TMEM74: variants seen among roughly 807,000 people sequenced by gnomAD.
The protein encoded by TMEM74 is transmembrane protein 74.
TMEM74 carries 13 observed loss-of-function variants against 18.1 expected under a neutral mutation model. That is an observed-to-expected ratio of 0.72 (90% CI 0.47 to 1.14). TMEM74 has a LOEUF of 1.14. TMEM74 is among the 50% of genes most tolerant of loss of function. The pLI is 0.00. For synonymous variants in TMEM74, 159 were observed against 146.6 expected (o/e 1.08, Z -0.61); for missense variants, 372 against 375.9 (o/e 0.99, Z 0.09).
intron 1 of TMEM74, among the ~76,000 whole-genome samples, chr8:108,680,875 G>C (rs563706573): frequency 6.6e-6 from 1 of 152,090 alleles, no homozygotes; most frequent in African/African-American, 2.4e-5. Flanking sequence ...ACCAATAACA[G>C]ACAAACAGAG....
intron 1 of TMEM74, among the ~76,000 whole-genome samples, chr8:108,772,562 A>G (rs1396930908): frequency 1.3e-5 from 2 of 152,200 alleles, no homozygotes; most frequent in African/African-American, 2.4e-5. Flanking sequence ...AGCCATTTAA[A>G]GAAGGGAGAG....
intron 1 of TMEM74, among the ~76,000 whole-genome samples, chr8:108,760,083 G>GCTACTTC (rs1158679039): frequency 2.6e-5 from 4 of 151,784 alleles, no homozygotes; most frequent in Admixed American, 2.0e-4. Flanking sequence ...TTAGGTAAGA[G>GCTACTTC]AATCGCTTGA....
chr8:108,642,167 C>G (rs370565127), intron 2 of TMEM74, among the ~76,000 whole-genome samples: 5 of 151,870 alleles, frequency 3.3e-5, no homozygotes, highest in African/African-American at 1.2e-4. Context: ...GGGAGGCTGA[C>G]GCGGGTGGAT....
chr8:108,619,416 G>A (rs1216069215), intron 2 of TMEM74, among the ~76,000 whole-genome samples: 2 of 152,168 alleles, frequency 1.3e-5, no homozygotes, highest in Non-Finnish European at 2.9e-5. Context: ...TCGGTTGTGT[G>A]ACTCTGTGAG....
intron 1 of TMEM74, among the ~76,000 whole-genome samples, chr8:108,748,300 T>C (rs1813871401): frequency 6.6e-6 from 1 of 152,224 alleles, no homozygotes; most frequent in African/African-American, 2.4e-5. Flanking sequence ...TTGATTGGCA[T>C]TTCTCCAATA....
At chr8:108,630,687 C>T (rs1812542208) in intron 2 of TMEM74, among the ~76,000 whole-genome samples, 1 of 151,912 alleles carries the variant, frequency 6.6e-6, no homozygotes, top group African/African-American at 2.4e-5. Flanking sequence ...AACTGGAGGA[C>T]TACATGGAAA....
rs146119829 is a variant in TMEM74 at position 108,611,888 on chromosome 8, T to C, written n.265-3062A>G. Reference sequence around the variant, plus strand: ...TAATTTATAAAGAAAAGAGGTTGAATTGACTCACAGTTCTGCATGGCTTGG... The same window carrying C: ...TAATTTATAAAGAAAAGAGGTTGAACTGACTCACAGTTCTGCATGGCTTGG... On this transcript the variant is annotated intron_variant and non_coding_transcript_variant, in intron 2 of 3. Transcript: ENST00000518838. 8.5e-5 allele frequency among the ~76,000 whole-genome samples: 13 copies of C among 152,336 alleles called. No homozygotes were observed. In the East Asian group the frequency reaches 2.3e-3, roughly 27 times the overall value.
chr8:108,697,470 G>A (rs1043139908), intron 1 of TMEM74, among the ~76,000 whole-genome samples: 4 of 152,078 alleles, frequency 2.6e-5, no homozygotes, highest in Admixed American at 6.6e-5. Context: ...CAGGCTGAGG[G>A]CAGTGGCATG....
chr8:108,698,993 C>T (rs1044536063), intron 1 of TMEM74, among the ~76,000 whole-genome samples: 6 of 152,098 alleles, frequency 3.9e-5, no homozygotes, highest in Admixed American at 1.3e-4. Context: ...AAATAACCCT[C>T]CAGCAAGAAT....
chr8:108,613,366 A>G (rs1471148101), intron 2 of TMEM74, among the ~76,000 whole-genome samples: 1 of 152,200 alleles, frequency 6.6e-6, no homozygotes, highest in African/African-American at 2.4e-5. Context: ...CATTTCCTGA[A>G]TGATGAAGCT....
intron 1 of TMEM74, among the ~76,000 whole-genome samples, chr8:108,739,906 T>C (rs1563539492): frequency 2.6e-5 from 4 of 151,942 alleles, no homozygotes; most frequent in Admixed American, 2.6e-4. Context: ...GAGAGAGAAG[T>C]GGGACCGGGG....
At chr8:108,694,317 A>G (rs1298482923) in intron 1 of TMEM74, among the ~76,000 whole-genome samples, 1 of 152,018 alleles carries the variant, frequency 6.6e-6, no homozygotes, top group Non-Finnish European at 1.5e-5. Flanking sequence ...GTTGAATAGT[A>G]TTCAGCCATA....
intron 1 of TMEM74, among the ~76,000 whole-genome samples, chr8:108,655,625 C>T (rs1015962588): frequency 1.3e-5 from 2 of 152,132 alleles, no homozygotes; most frequent in African/African-American, 4.8e-5. Flanking sequence ...CTCCCCCAAG[C>T]TGCTGGATTC....
chr8:108,662,450 T>G (rs1488172543), intron 1 of TMEM74, among the ~76,000 whole-genome samples: 1 of 151,374 alleles, frequency 6.6e-6, no homozygotes, highest in African/African-American at 2.4e-5. Context: ...GGAAAGGGAG[T>G]TGCTCTTATT....
At chr8:108,635,476 C>A (rs1744782892) in intron 2 of TMEM74, among the ~76,000 whole-genome samples, 1 of 152,084 alleles carries the variant, frequency 6.6e-6, no homozygotes, top group South Asian at 2.1e-4. Flanking sequence ...TCTCTTAAAT[C>A]ATCTCACAAT....
chr8:108,642,650 C>T (rs963890914), intron 2 of TMEM74, among the ~76,000 whole-genome samples: 4 of 152,056 alleles, frequency 2.6e-5, no homozygotes, highest in African/African-American at 7.2e-5. Flanking sequence ...GCCACAAATA[C>T]ACTTTACTAT....
intron 1 of TMEM74, among the ~76,000 whole-genome samples, chr8:108,739,912 C>A (rs557213122): frequency 6.6e-6 from 1 of 151,970 alleles, no homozygotes. Flanking sequence ...GAAGTGGGAC[C>A]GGGGGCCATC....
intron 1 of TMEM74, among the ~76,000 whole-genome samples, chr8:108,729,570 A>C (rs1813674142): frequency 6.6e-6 from 1 of 152,220 alleles, no homozygotes; most frequent in African/African-American, 2.4e-5. Context: ...TAAAAAATTC[A>C]AAGCATTTTT....
chr8:108,690,297 A>G (rs1353390605), intron 1 of TMEM74, among the ~76,000 whole-genome samples: 1 of 152,132 alleles, frequency 6.6e-6, no homozygotes, highest in Non-Finnish European at 1.5e-5. Context: ...CATTTTACAT[A>G]TGGCTTTAAA....
Sources: gnomAD v4.1 joint callset for allele counts (sites outside exome capture counted in the v4.1 genomes callset) on GRCh38, gnomAD v4.1.1 for gene constraint, MANE v1.5 for transcripts, NCBI Gene and HGNC (gene_info 2026-07-23, HGNC 2026-07-21) for gene names.